ZSCAN25: variants seen among roughly 807,000 people sequenced by gnomAD.
The protein encoded by ZSCAN25 is zinc finger and SCAN domain-containing protein 25.
A neutral mutation model predicts 38.7 loss-of-function variants in ZSCAN25; 27 were observed. That is an observed-to-expected ratio of 0.70 (90% confidence interval 0.51 to 0.96). The LOEUF (loss-of-function observed/expected upper bound fraction) is 0.96. Ranked by LOEUF, ZSCAN25 falls within the 40% of genes least tolerant of loss-of-function variation. The probability of loss-of-function intolerance (pLI) is 0.00; values close to 1 mark genes in which losing one functional copy is unlikely to be tolerated. For missense variants in ZSCAN25, 637 were observed against 705.9 expected, an observed-to-expected ratio of 0.90 and a Z score of 1.11; for synonymous variants, 273 against 277.7, an observed-to-expected ratio of 0.98 and a Z score of 0.17.
the ZSCAN25 span, chr7:99,674,336 T>C: frequency 2.2e-6 from 1 of 464,482 alleles, no homozygotes; most frequent in Admixed American, 4.0e-5. Flanking sequence ...TTGCACATAG[T>C]TTATAACGGC....
chr7:99,713,594 TC>T, the ZSCAN25 span: 1 of 1,610,588 alleles, frequency 6.2e-7, no homozygotes, highest in Non-Finnish European at 8.5e-7. Context: ...CAGAAGTTAA[TC>T]AGAAGTGCAG....
chr7:99,714,435 A>G, the ZSCAN25 span: 17 of 1,476,494 alleles, frequency 1.2e-5, no homozygotes, highest in Non-Finnish European at 1.5e-5. Context: ...CTCTAAACAT[A>G]AGTACTCTTT....
the ZSCAN25 span, chr7:99,666,681 G>A: frequency 2.5e-6 from 4 of 1,614,048 alleles, no homozygotes; most frequent in Non-Finnish European, 3.4e-6. Flanking sequence ...GGGCAATGAT[G>A]GGGAACATCT....
chr7:99,646,875 T>C, the ZSCAN25 span, among the ~76,000 whole-genome samples: 12 of 151,736 alleles, frequency 7.9e-5, no homozygotes, highest in Non-Finnish European at 1.0e-4. Context: ...TATTTACATC[T>C]AATTATCTAT....
At chr7:99,723,498 C>T in the ZSCAN25 span, among the ~76,000 whole-genome samples, 11 of 152,180 alleles carry the variant, frequency 7.2e-5, no homozygotes, top group African/African-American at 2.7e-4. Flanking sequence ...CTCAGTCAGC[C>T]TGCACCCAGG....
chr7:99,640,396 G>T, the ZSCAN25 span, among the ~76,000 whole-genome samples: 1 of 152,142 alleles, frequency 6.6e-6, no homozygotes, highest in African/African-American at 2.4e-5. Context: ...GAGCTCAGGT[G>T]ATCCATCCGC....
At chr7:99,735,091 C>T in the ZSCAN25 span, 1 of 1,614,040 alleles carries the variant, frequency 6.2e-7, no homozygotes, top group South Asian at 1.1e-5. Flanking sequence ...GGATGAGATC[C>T]ATCACTACTT....
At chr7:99,666,497 T>C in the ZSCAN25 span, 2 of 1,264,654 alleles carry the variant, frequency 1.6e-6, no homozygotes, top group Non-Finnish European at 2.3e-6. Context: ...GCCCTGCTTT[T>C]GTCTGGTCAC....
the ZSCAN25 span, among the ~76,000 whole-genome samples, chr7:99,698,110 T>A: frequency 1.3e-5 from 2 of 152,134 alleles, no homozygotes; most frequent in Non-Finnish European, 2.9e-5. Flanking sequence ...TTGGTTCCAA[T>A]GAAGAGGCTA....
chr7:99,704,766 A>C, the ZSCAN25 span, among the ~76,000 whole-genome samples: 4 of 152,070 alleles, frequency 2.6e-5, no homozygotes, highest in Non-Finnish European at 5.9e-5. Context: ...GATCGAGAGC[A>C]TCCTGGCTAA....
the ZSCAN25 span, chr7:99,665,449 T>C: frequency 1.6e-6 from 2 of 1,287,560 alleles, no homozygotes; most frequent in Non-Finnish European, 2.2e-6. Context: ...TGCTGAATCA[T>C]CTTCCATCTA....
the ZSCAN25 span, chr7:99,695,817 G>A: frequency 6.2e-7 from 1 of 1,613,644 alleles, no homozygotes; most frequent in Non-Finnish European, 8.5e-7. Flanking sequence ...TTCTTAAAAA[G>A]TCCATGTGAA....
chr7:99,630,461 C>A lies in ZSCAN25; in HGVS notation c.*441C>A. 3.0e-6 allele frequency: 3 copies of A among 999,120 alleles called. No homozygotes were observed. Among genetic ancestry groups the A allele is most frequent in the Non-Finnish European group, 3.6e-6 (3 of 838,642 alleles). The allele number at this position is 999,120 out of a possible 1,614,324, so 61.9% of individuals were successfully genotyped here. A position where few individuals can be genotyped will look rare whatever the true frequency, so the allele number is the denominator to read the frequency against. ...CATTGAACAAACATTTATTGAACAT[C>A]CTCTGAGCACCTGGCCGTGGGAATG... On this transcript the variant is annotated 3_prime_UTR_variant, in exon 8 of 8. Transcript: ENST00000394152.
At chr7:99,702,198 T>C in the ZSCAN25 span, among the ~76,000 whole-genome samples, 1 of 151,820 alleles carries the variant, frequency 6.6e-6, no homozygotes, top group African/African-American at 2.4e-5. Context: ...CAAGTGATTC[T>C]CCCACCTCAG....
the ZSCAN25 span, chr7:99,735,126 G>C: frequency 6.2e-7 from 1 of 1,613,454 alleles, no homozygotes; most frequent in African/African-American, 1.3e-5. Context: ...TCTCCTCTGA[G>C]TCTTTTTTTC....
At chr7:99,620,050 G>A in intron 4 of ZSCAN25, 57 bp downstream of exon 4, 2 of 1,513,706 alleles carry the variant, frequency 1.3e-6, no homozygotes, top group Non-Finnish European at 8.8e-7. Flanking sequence ...GAATGTTAAA[G>A]AATCCAAAGA....
chr7:99,735,311 C>T, the ZSCAN25 span: 26 of 578,068 alleles, frequency 4.5e-5, no homozygotes, highest in East Asian at 9.3e-5. Flanking sequence ...TTCTCCACCT[C>T]GGCAGTTGGC....
chr7:99,666,763 G>T, the ZSCAN25 span: 1 of 1,610,078 alleles, frequency 6.2e-7, no homozygotes, highest in Non-Finnish European at 8.5e-7. Flanking sequence ...GCTTTCTCCA[G>T]CATGGAGCAG....
At position 99,630,186 on chromosome 7, in the gene ZSCAN25, C is replaced by T. The variant is rs112411739; in HGVS notation, c.*166C>T. On this transcript the variant is annotated 3_prime_UTR_variant, in exon 8 of 8. Transcript: ENST00000394152. ...TACTTAGAGCTTCCAGAGAGCATAGCTGCTTCCATCTCTTACCCAAGTGGT... is the reference window on the plus strand; with the variant it reads ...TACTTAGAGCTTCCAGAGAGCATAGTTGCTTCCATCTCTTACCCAAGTGGT... 1,646 of 1,398,782 alleles carry T rather than the reference C, an allele frequency of 1.2e-3. 12 individuals carry two copies. The highest frequency in any genetic ancestry group is 0.011 in the African/African-American group (796 of 69,270). The allele number at this position is 1,398,782 out of a possible 1,614,324, so 86.6% of individuals were successfully genotyped here.
Sources: gnomAD v4.1 joint callset for allele counts (sites outside exome capture counted in the v4.1 genomes callset) on GRCh38, gnomAD v4.1.1 for gene constraint, MANE v1.5 for transcripts, NCBI Gene and HGNC (gene_info 2026-07-23, HGNC 2026-07-21) for gene names.